The following RNF19B variants were observed in gnomAD, a reference collection of about 807,000 sequenced individuals.
The protein encoded by RNF19B is E3 ubiquitin-protein ligase RNF19B.
RNF19B carries 23 observed loss-of-function variants against 65.5 expected under a neutral mutation model. That is an observed-to-expected ratio of 0.35 (90% CI 0.25 to 0.50). The LOEUF is 0.50. Among genes scored for constraint, RNF19B ranks in the 20% least tolerant of loss-of-function variants. RNF19B has a pLI of 0.98. For synonymous variants in RNF19B, 372 were observed against 379.6 expected, an observed-to-expected ratio of 0.98 and a Z score of 0.23; for missense variants, 794 against 980.0, an observed-to-expected ratio of 0.81 and a Z score of 2.53.
At chr1:32,951,463 G>T (rs1056619455) in intron 1 of RNF19B, among the ~76,000 whole-genome samples, 2 of 152,228 alleles carry the variant, frequency 1.3e-5, no homozygotes, top group Non-Finnish European at 2.9e-5. Flanking sequence ...AGTGGCACAG[G>T]AGCAGTTGGG....
chr1:32,936,754 C>A lies in RNF19B; in HGVS notation c.*52G>T. ...CTTGGAAAAAAAAAAAAAAAAATTCCAAAAGATGCAGTTACAAGTGTGCTT... is the reference window on the plus strand; with the variant it reads ...CTTGGAAAAAAAAAAAAAAAAATTCAAAAAGATGCAGTTACAAGTGTGCTT... On this transcript the variant is annotated 3_prime_UTR_variant, in exon 9 of 9. Coordinates refer to ENST00000235150, the MANE Select transcript of RNF19B (RefSeq NM_001300826.2). 5.0e-6 allele frequency: 7 copies of A among 1,395,254 alleles called. No homozygotes were observed. The highest frequency in any genetic ancestry group is 2.0e-4 in the Middle Eastern group (1 of 5,052). The allele number at this position is 1,395,254 out of a possible 1,614,324, so 86.4% of individuals were successfully genotyped here. A position where few individuals can be genotyped will look rare whatever the true frequency, so the allele number is the denominator to read the frequency against.
At chr1:32,934,451 T>TG (rs1453001785), downstream of RNF19B, among the ~76,000 whole-genome samples, 2 of 151,846 alleles carry the variant, frequency 1.3e-5, no homozygotes, top group African/African-American at 2.4e-5. Flanking sequence ...GAGGCTGAGG[T>TG]GGGGGGAATC....
At chr1:32,962,993 C>T (rs183309107) in intron 1 of RNF19B, among the ~76,000 whole-genome samples, 1 of 152,230 alleles carries the variant, frequency 6.6e-6, no homozygotes, top group East Asian at 1.9e-4. Flanking sequence ...AATTTACTGC[C>T]CTTTAAAATT....
chr1:32,945,686 A>G, intron 4 of RNF19B, 58 bp from the exon 5 acceptor site: 1 of 992,760 alleles, frequency 1.0e-6, no homozygotes, highest in Non-Finnish European at 1.6e-6. Context: ...CTTTTGCCAG[A>G]GAAAAAAAGG....
chr1:32,948,474 T>G, intron 2 of RNF19B, 111 bp from the exon 3 acceptor site: 2 of 1,122,572 alleles, frequency 1.8e-6, no homozygotes, highest in Non-Finnish European at 2.5e-6. Context: ...TCAAGAACTC[T>G]TCACTGAACA....
At position 32,964,393 on chromosome 1, in the gene RNF19B, T is replaced by G. The variant is rs1281179271; in HGVS notation, c.293A>C (p.Glu98Ala). Reference sequence around the variant, plus strand: ...CGCCTCCTCATCGTCGAACCCAGGCTCCGCCGCCGCCGCCGCGGCCTCCGC... The same window carrying G: ...CGCCTCCTCATCGTCGAACCCAGGCGCCGCCGCCGCCGCCGCGGCCTCCGC... Reference protein sequence around the residue: ...AEAEAAAAAAEPGFDDEEAAE... With the variant: ...AEAEAAAAAAAPGFDDEEAAE... Residue 98 changes from glutamate (E) to alanine (A), a missense_variant, in exon 1 of 9, where the codon GAG becomes GCG. This residue lies in a region of RNF19B where 374 missense variants were observed against 423.8 expected (regional missense o/e 0.88). Coordinates refer to ENST00000235150, the MANE Select transcript of RNF19B (RefSeq NM_001300826.2). This position sits in a 1 kb window ranked among gnomAD's most constrained non-coding sequence, Gnocchi z 6.5. 24 of 1,304,682 alleles carry G rather than the reference T, an allele frequency of 1.8e-5. No individual in the cohort carries two copies. The East Asian group carries it at 6.6e-4, about 36-fold the overall frequency. 80.8% of individuals were successfully genotyped at this position (1,304,682 alleles called of 1,614,324 possible). A position where few individuals can be genotyped will look rare whatever the true frequency, so the allele number is the denominator to read the frequency against.
At chr1:32,958,457 C>G (rs968600510) in intron 1 of RNF19B, among the ~76,000 whole-genome samples, 1 of 150,582 alleles carries the variant, frequency 6.6e-6, no homozygotes, top group Admixed American at 6.6e-5. Flanking sequence ...TGGCTCACGC[C>G]TGTAATCCCA....
intron 1 of RNF19B, among the ~76,000 whole-genome samples, chr1:32,953,104 C>A (rs1053772123): frequency 6.6e-6 from 1 of 151,290 alleles, no homozygotes; most frequent in Non-Finnish European, 1.5e-5. Context: ...CCAGTGCATA[C>A]CACCATGCCC....
At chr1:32,954,306 C>G (rs1264217824) in intron 1 of RNF19B, among the ~76,000 whole-genome samples, 3 of 151,566 alleles carry the variant, frequency 2.0e-5, no homozygotes, top group Non-Finnish European at 2.9e-5. Flanking sequence ...GTAAAATAAC[C>G]CCAAATTACT....
chr1:32,951,174 T>C (rs1306853523), intron 1 of RNF19B, among the ~76,000 whole-genome samples: 1 of 152,200 alleles, frequency 6.6e-6, no homozygotes, highest in Non-Finnish European at 1.5e-5. Context: ...ATTGTTTTAT[T>C]GTCATTAACA....
intron 8 of RNF19B, among the ~76,000 whole-genome samples, chr1:32,937,882 C>T (rs1642141684): frequency 1.3e-5 from 2 of 151,984 alleles, no homozygotes. Flanking sequence ...GAGCCCCATG[C>T]TAGCTTACTC....
At chr1:32,945,861 C>A (rs1237055576) in intron 4 of RNF19B, among the ~76,000 whole-genome samples, 2 of 151,406 alleles carry the variant, frequency 1.3e-5, no homozygotes, top group Non-Finnish European at 2.9e-5. Flanking sequence ...ATGAAGTAAG[C>A]ATTTTACCTT....
chr1:32,954,628 C>T (rs977996480), intron 1 of RNF19B, among the ~76,000 whole-genome samples: 3 of 151,500 alleles, frequency 2.0e-5, no homozygotes, highest in African/African-American at 7.3e-5. Context: ...AATCCAGCTA[C>T]TCGGGAGGCT....
At chr1:32,951,391 T>C (rs957196245) in intron 1 of RNF19B, among the ~76,000 whole-genome samples, 15 of 152,096 alleles carry the variant, frequency 9.9e-5, no homozygotes, top group African/African-American at 3.6e-4. Flanking sequence ...GCAGCTCTTC[T>C]TGCAGGAGGT....
At chr1:32,963,997 G>A (rs1356588266) in intron 1 of RNF19B, 54 bp downstream of exon 1, 27 of 1,390,204 alleles carry the variant, frequency 1.9e-5, no homozygotes, top group Non-Finnish European at 2.5e-5. Flanking sequence ...GCTGCCCCCA[G>A]CCACGCCCCT....
chr1:32,944,242 A>G, intron 5 of RNF19B, 83 bp from the exon 6 acceptor site: 1 of 1,445,642 alleles, frequency 6.9e-7, no homozygotes, highest in Non-Finnish European at 9.3e-7. Flanking sequence ...GGCATGGACA[A>G]ACCACTTTAT....
chr1:32,964,798 C>T lies in RNF19B; in HGVS notation c.-113G>A, dbSNP rs1480999777. On this transcript the variant is annotated 5_prime_UTR_variant, in exon 1 of 9. Transcript: ENST00000235150. The surrounding 1 kb of genome is among the most constrained non-coding windows in gnomAD (Gnocchi z 6.5). The stretch of plus-strand genomic sequence containing the variant: ...ACGCCGCCACCACCGCCTCAACCGC[C>T]CTCCCGGCGATAGAAGCCGAGCGGC... 1.9e-6 allele frequency: 2 copies of T among 1,051,076 alleles called. No homozygotes were observed. Among genetic ancestry groups the T allele is most frequent in the African/African-American group, 3.4e-5 (2 of 58,280 alleles). 65.1% of individuals were successfully genotyped at this position (1,051,076 alleles called of 1,614,324 possible).
At chr1:32,958,245 T>C (rs72654079) in intron 1 of RNF19B, among the ~76,000 whole-genome samples, 10,280 of 152,310 alleles carry the variant, frequency 0.067, 540 homozygotes, top group Admixed American at 0.14. Flanking sequence ...AGATTTATAC[T>C]ACATATTAGC....
Position 32,942,349 on chromosome 1 carries a change from T to C in RNF19B, c.1513A>G (p.Met505Val). The C allele has an allele frequency of 6.2e-7, 1 of 1,614,226 alleles. No homozygotes were observed. The highest frequency in any genetic ancestry group is 2.2e-5 in the East Asian group (1 of 44,886). ...SGSPTDGLSV[M>V]QGPYSETASF... ...GCCGTTTCGCTGTAAGGACCTTGCA[T>C]AACACTAAGTCCATCTGTAGGGCTT... The change falls in exon 7 of 9, where the codon ATG (methionine) becomes GTG (valine). Residue 505 changes from methionine (M) to valine (V), a missense_variant. Physicochemically the swap from Met to Val is conservative, Grantham distance 21. Around this residue, in one of 3 missense-constraint regions of RNF19B, gnomAD observed 368 missense variants for 447.3 expected, o/e 0.82. Transcript: ENST00000235150.
Sources: allele counts gnomAD v4.1 joint callset (sites outside exome capture counted in the v4.1 genomes callset), GRCh38; gene constraint gnomAD v4.1.1; regional missense constraint gnomAD v4.1.1; non-coding constraint Gnocchi (gnomAD v3.1); transcripts MANE v1.5; gene names NCBI Gene and HGNC (gene_info 2026-07-23, HGNC 2026-07-21).